The following ACTN2 variants were observed in gnomAD, a reference collection of about 807,000 sequenced individuals.
The protein encoded by ACTN2 is actinin alpha 2.
A neutral mutation model predicts 113.8 loss-of-function variants in ACTN2; 39 were observed. The ratio of observed to expected loss-of-function variants is 0.34; its 90% CI spans 0.27 to 0.45. The LOEUF (loss-of-function observed/expected upper bound fraction) is 0.45. Ranked by LOEUF, ACTN2 falls within the 20% of genes least tolerant of loss-of-function variation. The probability of loss-of-function intolerance (pLI) is 1.00; values close to 1 mark genes in which losing one functional copy is unlikely to be tolerated. For missense variants in ACTN2, 992 were observed against 1,177.9 expected (o/e 0.84, Z 2.31); for synonymous variants, 429 against 444.1 (o/e 0.97, Z 0.43).
At chr1:236,702,166 A>G (rs905676301) in intron 1 of ACTN2, among the ~76,000 whole-genome samples, 10 of 152,216 alleles carry the variant, frequency 6.6e-5, no homozygotes, top group Admixed American at 6.5e-5. Flanking sequence ...TCATTGAGCA[A>G]AATTAACTTC....
At chr1:236,749,325 A>C (rs1420381301) in intron 14 of ACTN2, 61 bp downstream of exon 14, 3 of 1,603,916 alleles carry the variant, frequency 1.9e-6, no homozygotes, top group Non-Finnish European at 2.6e-6. Flanking sequence ...TTTAAACTTA[A>C]GAGTCCTGTT....
intron 8 of ACTN2, 111 bp from the exon 9 acceptor site, chr1:236,737,011 C>A: frequency 1.2e-6 from 1 of 829,486 alleles, no homozygotes; most frequent in Non-Finnish European, 2.0e-6. Flanking sequence ...GACTCTGCAC[C>A]GTCTACAGCA....
chr1:236,741,656 C>G (rs1224521348), intron 10 of ACTN2, among the ~76,000 whole-genome samples: 1 of 152,174 alleles, frequency 6.6e-6, no homozygotes, highest in African/African-American at 2.4e-5. Context: ...CTCTTAATCC[C>G]CTTCTCTTTA....
Position 236,742,961 on chromosome 1 carries a change from T to C in ACTN2, c.1173T>C (p.Asn391=), listed in dbSNP as rs1659116734. ...AGGGTTACGAGGAGTGGTTGCTCAA[T>C]GAGATTCGGAGACTGGAGCGCTTGG... The part of the protein sequence containing the change: ...AEKGYEEWLL[N]EIRRLERLEH... The change falls in exon 11 of 21, where the codon AAT becomes AAC. Residue 391 remains asparagine (N), a synonymous_variant. Coordinates refer to ENST00000366578, the MANE Select transcript of ACTN2 (RefSeq NM_001103.4). 6.2e-7 allele frequency: 1 copy of C among 1,613,984 alleles called. No individual in the cohort carries two copies. Among genetic ancestry groups the C allele is most frequent in the Admixed American group, 1.7e-5 (1 of 59,986 alleles).
chr1:236,732,584 A>C (rs1658744011), intron 7 of ACTN2, among the ~76,000 whole-genome samples: 1 of 152,026 alleles, frequency 6.6e-6, no homozygotes, highest in Non-Finnish European at 1.5e-5. Context: ...CTGGGATTAC[A>C]GGCATGCACC....
intron 1 of ACTN2, among the ~76,000 whole-genome samples, chr1:236,700,121 A>G (rs1432112867): frequency 1.3e-5 from 2 of 152,202 alleles, no homozygotes; most frequent in Non-Finnish European, 2.9e-5. Flanking sequence ...ATGCCTAAAA[A>G]TGAAAGATTC....
chr1:236,757,377 G>A, intron 17 of ACTN2, 109 bp from the exon 18 acceptor site: 2 of 1,386,208 alleles, frequency 1.4e-6, no homozygotes, highest in Non-Finnish European at 2.0e-6. Flanking sequence ...GCTATCATGA[G>A]CCCTGCTTAG....
chr1:236,689,324 TATATATATATATATAC>T (rs1251325545), intron 1 of ACTN2, among the ~76,000 whole-genome samples: 6,025 of 34,072 alleles, frequency 0.18, 181 homozygotes, highest in Non-Finnish European at 0.32. Context: ...TATATATATA[TATATATATATATATAC>T]ACACACATAT....
chr1:236,756,098 CTGTTAGAA>C (rs1659551673), intron 17 of ACTN2, among the ~76,000 whole-genome samples: 5 of 33,660 alleles, frequency 1.5e-4, no homozygotes, highest in Non-Finnish European at 3.1e-4. Context: ...CCCGCTGCCA[CTGTTAGAA>C]CCCTGGTAAT....
intron 4 of ACTN2, among the ~76,000 whole-genome samples, chr1:236,720,839 C>T (rs112862344): frequency 2.6e-5 from 4 of 152,004 alleles, no homozygotes; most frequent in East Asian, 1.9e-4. Context: ...GCCTGTTTGG[C>T]CCTCAAATCA....
intron 19 of ACTN2, 130 bp downstream of exon 19, chr1:236,759,919 A>G (rs1223366230): frequency 2.4e-6 from 2 of 828,426 alleles, no homozygotes; most frequent in East Asian, 2.7e-5. Context: ...ATAGGATAAT[A>G]TTTTTTGAAG....
At chr1:236,740,678 G>A (rs866399264) in intron 10 of ACTN2, among the ~76,000 whole-genome samples, 7 of 151,974 alleles carry the variant, frequency 4.6e-5, no homozygotes, top group Non-Finnish European at 7.4e-5. Flanking sequence ...GATTACTGGT[G>A]CCCGCCACCA....
chr1:236,686,728 T>C lies in ACTN2; in HGVS notation c.55T>C (p.Tyr19His). Residue 19 changes from tyrosine (Y) to histidine (H), a missense_variant, in exon 1 of 21, where the codon TAC becomes CAC. Transcript: ENST00000366578. ...QYNYVYDEDE[Y>H]MIQEEEWDRD... ...CAACTACGTGTACGACGAGGATGAG[T>C]ACATGATCCAGGAGGAGGAGTGGGA... 6.4e-7 allele frequency: 1 copy of C among 1,561,480 alleles called. No individual in the cohort carries two copies. The highest frequency in any genetic ancestry group is 8.7e-7 in the Non-Finnish European group (1 of 1,153,968).
intron 6 of ACTN2, among the ~76,000 whole-genome samples, chr1:236,730,315 C>T (rs1226590727): frequency 6.6e-6 from 1 of 151,258 alleles, no homozygotes; most frequent in African/African-American, 2.4e-5. Flanking sequence ...TCTGTGAGGC[C>T]AGAAAGCTGA....
chr1:236,737,318 T>TATATATATATATATATATATATATATATA lies in ACTN2; in HGVS notation c.876+104_876+105insATATATATATATATATATATATATATATA, dbSNP rs1465770912. 225 of 296,418 alleles carry TATATATATATATATATATATATATATATA rather than the reference T, an allele frequency of 7.6e-4. 17 individuals are homozygous for TATATATATATATATATATATATATATATA. The highest frequency in any genetic ancestry group is 1.1e-3 in the Non-Finnish European group (166 of 145,968). 18.4% of individuals were successfully genotyped at this position (296,418 alleles called of 1,614,324 possible). On this transcript the variant is annotated intron_variant, in intron 9 of 20. Coordinates refer to ENST00000366578, the MANE Select transcript of ACTN2 (RefSeq NM_001103.4). ...GGGGGCATATATATATATATATATA[T>TATATATATATATATATATATATATATATA]TTTGCATTTTTCATCTCAGATAGGA...
intron 7 of ACTN2, among the ~76,000 whole-genome samples, chr1:236,732,262 C>G (rs1658730804): frequency 6.6e-6 from 1 of 152,126 alleles, no homozygotes; most frequent in African/African-American, 2.4e-5. Flanking sequence ...TGTCTGAAAT[C>G]AAGGAGTAGG....
chr1:236,709,247 T>TACAC (rs1558227405), intron 1 of ACTN2, among the ~76,000 whole-genome samples: 15 of 89,896 alleles, frequency 1.7e-4, no homozygotes, highest in African/African-American at 4.9e-4. Flanking sequence ...TATATATATA[T>TACAC]ATATATATAC....
rs138136283 is a variant in ACTN2 at position 236,738,068 on chromosome 1, G to C, written c.876+854G>C. On this transcript the variant is annotated intron_variant, in intron 9 of 20. Coordinates refer to ENST00000366578, the MANE Select transcript of ACTN2 (RefSeq NM_001103.4). ...TCTCTGGCCCAGGCTGGAGTGCAGT[G>C]GGGCAGTCCTGGCGCACTGCAACCT... Among the ~76,000 whole-genome samples the C allele has an allele frequency of 1.9e-3, 294 of 152,304 alleles. 3 individuals are homozygous for C. Among genetic ancestry groups the C allele is most frequent in the African/African-American group, 6.5e-3 (269 of 41,558 alleles).
chr1:236,707,036 GTTAA>G (rs1657845600), intron 1 of ACTN2, among the ~76,000 whole-genome samples: 1 of 152,230 alleles, frequency 6.6e-6, no homozygotes, highest in Non-Finnish European at 1.5e-5. Context: ...TTTTACAAGA[GTTAA>G]TTTTAAGGCT....
Sources: allele counts gnomAD v4.1 joint callset (sites outside exome capture counted in the v4.1 genomes callset), GRCh38; gene constraint gnomAD v4.1.1; transcripts MANE v1.5; gene names NCBI Gene and HGNC (gene_info 2026-07-23, HGNC 2026-07-21).